CCAR2: variants seen among roughly 807,000 people sequenced by gnomAD.
CCAR2 encodes cell cycle and apoptosis regulator protein 2.
Under a neutral mutation model 108.1 loss-of-function variants are expected in CCAR2, and 21 were observed. The observed-to-expected ratio is 0.19, with a 90% confidence interval of 0.14 to 0.28. The LOEUF is 0.28. CCAR2 is among the 10% of genes least tolerant of loss of function. The pLI, the probability that CCAR2 is intolerant of heterozygous loss-of-function variation, is 1.00. For synonymous variants in CCAR2, 577 were observed against 472.8 expected (o/e 1.22, Z -2.86); for missense variants, 1,126 against 1,177.0 (o/e 0.96, Z 0.63).
intron 14 of CCAR2, among the ~76,000 whole-genome samples, chr8:22,616,882 TTTTTTTTTTTTTTTGG>T (rs1321972157): frequency 0.088 from 6,652 of 75,620 alleles, 313 homozygotes; most frequent in African/African-American, 0.23. Context: ...TTTTTTTTTT[TTTTTTTTTTTTTTTGG>T]GGAGATGGAG....
At chr8:22,621,459 C>T, downstream of CCAR2, 1 of 1,613,866 alleles carries the variant, frequency 6.2e-7, no homozygotes, top group Non-Finnish European at 8.5e-7. Context: ...CCGGAGCTCA[C>T]TGAGTTTGGC....
rs779771713 is a variant in CCAR2 at position 22,614,809 on chromosome 8, T to G, written c.1042-29T>G. 11 of 1,610,110 alleles carry G rather than the reference T, an allele frequency of 6.8e-6. No homozygotes were observed. The South Asian group carries it at 1.2e-4, about 18-fold the overall frequency. ...GGGAGACCCAGGTAATGTAGTTTTT[T>G]GTTTTGTATCCCTGATCTCTTCTTG... On this transcript the variant is annotated intron_variant, in intron 10 of 20. Coordinates refer to ENST00000308511, the MANE Select transcript of CCAR2 (RefSeq NM_001393997.1).
Position 22,604,920 on chromosome 8 carries a change from C to T in CCAR2, c.-39+78C>T, listed in dbSNP as rs1180419944. 2.7e-5 allele frequency: 10 copies of T among 369,216 alleles called. No individual in the cohort carries two copies. The Admixed American group carries it at 2.7e-4, about 10-fold the overall frequency. 22.9% of individuals were successfully genotyped at this position (369,216 alleles called of 1,614,324 possible). ...CCGCTGGCCGAGGGGCTGCGAGGGC[C>T]GGGCGGCGAAGATGCGTGGGGCGCG... On this transcript the variant is annotated intron_variant, in intron 1 of 20. Transcript: ENST00000308511.
downstream of CCAR2, chr8:22,620,856 A>G (rs928384300): frequency 5.2e-5 from 8 of 152,388 alleles, no homozygotes; most frequent in South Asian, 2.1e-4. Flanking sequence ...ACCAGTCCTC[A>G]GTGACCTCGG....
chr8:22,619,410 G>C, intron 20 of CCAR2, 55 bp downstream of exon 20: 1 of 1,533,380 alleles, frequency 6.5e-7, no homozygotes, highest in Non-Finnish European at 8.8e-7. Flanking sequence ...AGCTCCAAAA[G>C]TCCCCAGAAG....
At position 22,615,687 on chromosome 8, in the gene CCAR2, G is replaced by A. The variant is rs146141150; in HGVS notation, c.1383G>A (p.Thr461=). Reference sequence around the variant, plus strand: ...CATTTCAGCTGTTGTCACAGGAAACGGAGCCTACTGAACAGGCACCTGATG... The same window carrying A: ...CATTTCAGCTGTTGTCACAGGAAACAGAGCCTACTGAACAGGCACCTGATG... The part of the protein sequence containing the change: ...APPTQEAQGE[T]EPTEQAPDAL... Residue 461 remains threonine, a synonymous_variant, in exon 13 of 21, where the codon ACG becomes ACA. Transcript: ENST00000308511. 1.3e-4 allele frequency: 214 copies of A among 1,613,538 alleles called. No individual in the cohort carries two copies. The highest frequency in any genetic ancestry group is 1.6e-4 in the Non-Finnish European group (190 of 1,180,020).
At chr8:22,613,175 GGT>G in intron 8 of CCAR2, 39 bp downstream of exon 8, 3 of 1,511,266 alleles carry the variant, frequency 2.0e-6, no homozygotes, top group Non-Finnish European at 2.7e-6. Flanking sequence ...TCTTGCTGCT[GGT>G]AATAGTTTCT....
Position 22,610,906 on chromosome 8 carries a change from A to C in CCAR2, c.585-2111A>C, listed in dbSNP as rs1287367211. On this transcript the variant is annotated intron_variant, in intron 7 of 20. Transcript: ENST00000308511. ...TGGCACGTTATAATGAATGGTCTAAAGGTTTTTTCTCCTCAACTATTTTTA... is the reference window on the plus strand; with the variant it reads ...TGGCACGTTATAATGAATGGTCTAACGGTTTTTTCTCCTCAACTATTTTTA... Among the ~76,000 whole-genome samples, 5 of 152,184 alleles carry C rather than the reference A, an allele frequency of 3.3e-5. No individual in the cohort carries two copies. In the South Asian group the frequency reaches 1.0e-3, roughly 31 times the overall value.
At position 22,614,313 on chromosome 8, in the gene CCAR2, A is replaced by T; in HGVS notation, c.926A>T (p.Lys309Met). 3 of 1,614,028 alleles carry T rather than the reference A, an allele frequency of 1.9e-6. No individual in the cohort carries two copies. The highest frequency in any genetic ancestry group is 2.5e-6 in the Non-Finnish European group (3 of 1,179,944). The part of the protein sequence containing the change: ...TADSDPAYSS[K>M]VLLLSSPGLE... ...GACAGTGACCCCGCTTATAGTTCGA[A>T]GGTAAGCTGACAGGCGTCTCTCACT... Residue 309 changes from lysine to methionine, a missense_variant and splice_region_variant, in exon 9 of 21, where the codon AAG (lysine) becomes ATG (methionine). Physicochemically the swap from Lys to Met is moderately conservative, Grantham distance 95 (BLOSUM62 -1). Coordinates refer to ENST00000308511, the MANE Select transcript of CCAR2 (RefSeq NM_001393997.1).
chr8:22,607,975 G>A lies in CCAR2; in HGVS notation c.494G>A (p.Ser165Asn). The A allele has an allele frequency of 6.2e-7, 1 of 1,613,854 alleles. No individual in the cohort carries two copies. Among genetic ancestry groups the A allele is most frequent in the Non-Finnish European group, 8.5e-7 (1 of 1,179,918 alleles). ...IPPLFPQKPL[S>N]LFQTSHTLHL... ...AGTCATTTCCTTTCTGCAGCTCTGAGTCTCTTCCAAACATCCCACACACTT... is the reference window on the plus strand; with the variant it reads ...AGTCATTTCCTTTCTGCAGCTCTGAATCTCTTCCAAACATCCCACACACTT... Residue 165 changes from serine to asparagine, a missense_variant, in exon 7 of 21, where the codon AGT (serine) becomes AAT (asparagine). Around this residue, in one of 4 missense-constraint regions of CCAR2, gnomAD observed 1,013 missense variants for 993.9 expected, o/e 1.02. Coordinates refer to ENST00000308511, the MANE Select transcript of CCAR2 (RefSeq NM_001393997.1).
In CCAR2 at chr8:22,618,512, G is replaced by A; in HGVS notation, c.2220+17G>A. ...GCAGAGCAGGTACCTTCTTTCCTCT[G>A]CCCCAGCACATGGGCACAGGCCTGC... On this transcript the variant is annotated intron_variant, in intron 17 of 20. Coordinates refer to ENST00000308511, the MANE Select transcript of CCAR2 (RefSeq NM_001393997.1). 1 of 1,614,142 alleles carries A rather than the reference G, an allele frequency of 6.2e-7. No individual in the cohort carries two copies. The highest frequency in any genetic ancestry group is 8.5e-7 in the Non-Finnish European group (1 of 1,180,034).
At chr8:22,614,735 C>G in intron 10 of CCAR2, 103 bp from the exon 11 acceptor site, 2 of 799,348 alleles carry the variant, frequency 2.5e-6, no homozygotes, top group Non-Finnish European at 3.5e-6. Flanking sequence ...GTGGACTTCC[C>G]CACTTCCGGC....
rs201518185 is a variant in CCAR2 at position 22,619,694 on chromosome 8, G to A, written c.*12G>A. 13 of 1,564,044 alleles carry A rather than the reference G, an allele frequency of 8.3e-6. No homozygotes were observed. The highest frequency in any genetic ancestry group is 6.8e-5 in the African/African-American group (5 of 73,756). On this transcript the variant is annotated 3_prime_UTR_variant, in exon 21 of 21. Coordinates refer to ENST00000308511, the MANE Select transcript of CCAR2 (RefSeq NM_001393997.1). ...CACCTAGCAACTGACGGCCTCGCAC[G>A]GAACTGCCATCCTGTGAGGGCAGCG...
At chr8:22,609,344 G>T (rs1221970204) in intron 7 of CCAR2, among the ~76,000 whole-genome samples, 1 of 152,142 alleles carries the variant, frequency 6.6e-6, no homozygotes, top group African/African-American at 2.4e-5. Context: ...CAGAGAAAGG[G>T]TTTTACCATG....
intron 7 of CCAR2, among the ~76,000 whole-genome samples, chr8:22,610,247 C>G (rs13271626): frequency 0.3 from 45,926 of 152,050 alleles, 7,205 homozygotes; most frequent in South Asian, 0.36. Context: ...TATTTAGTTT[C>G]TCAGCTTTTA....
In CCAR2 at chr8:22,606,559, T is replaced by A. The variant is rs755027268; in HGVS notation, c.151-48T>A. ...AGACCTTCATGGCAGAGTGTGATTT[T>A]GTCCAGTTTCCTCCCTTTTACTTTT... On this transcript the variant is annotated intron_variant, in intron 3 of 20. Coordinates refer to ENST00000308511, the MANE Select transcript of CCAR2 (RefSeq NM_001393997.1). The A allele has an allele frequency of 1.7e-5, 25 of 1,469,980 alleles. 1 individual carries two copies. The highest frequency in any genetic ancestry group is 2.3e-5 in the Non-Finnish European group (24 of 1,050,148). The allele number at this position is 1,469,980 out of a possible 1,614,324, so 91.1% of individuals were successfully genotyped here.
At chr8:22,610,168 G>A (rs1220061246) in intron 7 of CCAR2, among the ~76,000 whole-genome samples, 1 of 152,198 alleles carries the variant, frequency 6.6e-6, no homozygotes, top group Non-Finnish European at 1.5e-5. Flanking sequence ...CGTCAGTAGA[G>A]AGAATGTGCA....
At chr8:22,616,335 C>G in intron 14 of CCAR2, 87 bp downstream of exon 14, 3 of 1,268,168 alleles carry the variant, frequency 2.4e-6, no homozygotes, top group Non-Finnish European at 3.4e-6. Flanking sequence ...GCTTCCTGTG[C>G]CTTAGCTCAT....
In CCAR2 at chr8:22,614,141, G is replaced by C; in HGVS notation, c.754G>C (p.Val252Leu). ...ELQRRYRSLL[V>L]PSDFLSVHLS... ...CCAGCGCCGTTACCGCAGCCTCCTG[G>C]TCCCCTCAGATTTTCTGTCCGTGCA... is the stretch of plus-strand genomic sequence containing the variant. Residue 252 changes from valine (V) to leucine (L), a missense_variant, in exon 9 of 21, where the codon GTC becomes CTC. Val to Leu is a conservative substitution (Grantham distance 32). Around this residue, in one of 4 missense-constraint regions of CCAR2, gnomAD observed 1,013 missense variants for 993.9 expected, o/e 1.02. Coordinates refer to ENST00000308511, the MANE Select transcript of CCAR2 (RefSeq NM_001393997.1). 1.2e-6 allele frequency: 2 copies of C among 1,613,958 alleles called. No individual in the cohort carries two copies. The highest frequency in any genetic ancestry group is 1.7e-6 in the Non-Finnish European group (2 of 1,180,020).
Sources: allele counts gnomAD v4.1 joint callset (sites outside exome capture counted in the v4.1 genomes callset), GRCh38; gene constraint gnomAD v4.1.1; regional missense constraint gnomAD v4.1.1; transcripts MANE v1.5; gene names NCBI Gene and HGNC (gene_info 2026-07-23, HGNC 2026-07-21).